The following FHIP1B variants were observed in gnomAD, a reference collection of about 807,000 sequenced individuals.
FHIP1B encodes FHF complex subunit HOOK-interacting protein 1B.
A neutral mutation model predicts 82.2 loss-of-function variants in FHIP1B; 28 were observed. The ratio of observed to expected loss-of-function variants is 0.34; its 90% CI spans 0.25 to 0.47. FHIP1B has a LOEUF of 0.47. FHIP1B is among the 20% of genes least tolerant of loss of function. FHIP1B has a pLI of 1.00. For synonymous variants in FHIP1B, 585 were observed against 516.1 expected (o/e 1.13, Z -1.81); for missense variants, 1,110 against 1,262.6 (o/e 0.88, Z 1.83).
intron 6 of FHIP1B, 23 bp downstream of exon 6, chr11:6,222,419 T>G (rs770614230): frequency 6.2e-7 from 1 of 1,612,564 alleles, no homozygotes; most frequent in Non-Finnish European, 8.5e-7. Flanking sequence ...CCAGGTAAGC[T>G]AGGACAGGGG....
rs536516971 is a variant in FHIP1B, at chr11:6,220,878, T to A, written c.1191+1564A>T. On this transcript the variant is annotated intron_variant, in intron 6 of 11. Transcript: ENST00000449352. The stretch of plus-strand genomic sequence containing the variant: ...GGACAATATGAGGCCAATCATGGCC[T>A]AATTTCAGCATAATGAGGGAAAAAA... 2.0e-4 allele frequency among the ~76,000 whole-genome samples: 30 copies of A among 152,354 alleles called. No individual in the cohort carries two copies. The East Asian group carries it at 5.6e-3, about 28-fold the overall frequency.
chr11:6,233,485 T>C (rs1847755217), intron 1 of FHIP1B, among the ~76,000 whole-genome samples: 1 of 152,192 alleles, frequency 6.6e-6, no homozygotes, highest in African/African-American at 2.4e-5. Flanking sequence ...GAGGAAGAGA[T>C]AAATTTTCAG....
rs1008185717 is a variant in FHIP1B, at chr11:6,211,808, T to C, written c.2617A>G (p.Arg873Gly). 2 of 1,611,304 alleles carry C rather than the reference T, an allele frequency of 1.2e-6. No individual in the cohort carries two copies. The highest frequency in any genetic ancestry group is 8.5e-7 in the Non-Finnish European group (1 of 1,178,796). The stretch of plus-strand genomic sequence containing the variant: ...ACCAATTGTGCCGCCTGCCGGGCCC[T>C]GGTTGGACTGTGTGCATGCCGCAGG... ...LLLRHAHSPT[R>G]ARQAAQLVLQ... The change falls in exon 12 of 12, where the codon AGG (arginine) becomes GGG (glycine). Residue 873 changes from arginine to glycine, a missense_variant. Coordinates refer to ENST00000449352, the MANE Select transcript of FHIP1B (RefSeq NM_001098794.2).
At chr11:6,221,501 C>A (rs2047577942) in intron 6 of FHIP1B, among the ~76,000 whole-genome samples, 1 of 152,036 alleles carries the variant, frequency 6.6e-6, no homozygotes, top group African/African-American at 2.4e-5. Context: ...TGTTAATATC[C>A]AAACTTCTTG....
At chr11:6,222,751 G>A in intron 5 of FHIP1B, 60 bp downstream of exon 5, 1 of 1,575,164 alleles carries the variant, frequency 6.3e-7, no homozygotes, top group Non-Finnish European at 8.7e-7. Context: ...CGTTAGTCCT[G>A]TCACTGAGGT....
rs531604761 is a variant in FHIP1B, at chr11:6,231,990, T to C, written c.-192+2554A>G. 2.0e-5 allele frequency among the ~76,000 whole-genome samples: 3 copies of C among 152,374 alleles called. No homozygotes were observed. In the South Asian group the frequency reaches 6.2e-4, roughly 32 times the overall value. On this transcript the variant is annotated intron_variant, in intron 1 of 11. Coordinates refer to ENST00000449352, the MANE Select transcript of FHIP1B (RefSeq NM_001098794.2). ...ATATGTTGAAGAAGTATTTGTTGAA[T>C]GAATAAACGAATTCATTCTCCTAGC...
chr11:6,221,873 T>A (rs1226406517), intron 6 of FHIP1B, among the ~76,000 whole-genome samples: 1 of 152,218 alleles, frequency 6.6e-6, no homozygotes, highest in Non-Finnish European at 1.5e-5. Flanking sequence ...AGCAACAATG[T>A]CTACCTTATT....
At chr11:6,227,060 T>C (rs1341920473) in intron 1 of FHIP1B, among the ~76,000 whole-genome samples, 1 of 152,228 alleles carries the variant, frequency 6.6e-6, no homozygotes, top group African/African-American at 2.4e-5. Flanking sequence ...TGCCAATCAA[T>C]AGCAAGTTCC....
intron 10 of FHIP1B, 46 bp from the exon 11 acceptor site, chr11:6,214,619 TAC>T (rs749982884): frequency 1.6e-5 from 25 of 1,576,804 alleles, no homozygotes; most frequent in Non-Finnish European, 1.8e-5. Context: ...TCTAGACTGA[TAC>T]AGTCCTTTCT....
chr11:6,218,766 G>A lies in FHIP1B; in HGVS notation c.1272-3C>T, dbSNP rs772448189. 3 of 1,614,130 alleles carry A rather than the reference G, an allele frequency of 1.9e-6. No individual in the cohort carries two copies. Among genetic ancestry groups the A allele is most frequent in the Admixed American group, 1.7e-5 (1 of 60,032 alleles). ...CGTGGTTACATGGAACAAGATACCT[G>A]AGAAAGACATCAGAAAGGGGACACA... On this transcript the variant is annotated splice_polypyrimidine_tract_variant and splice_region_variant and intron_variant, in intron 7 of 11. Transcript: ENST00000449352.
Position 6,211,768 on chromosome 11 carries a change from C to T in FHIP1B, c.2657G>A (p.Arg886Gln), listed in dbSNP as rs145221654. The T allele has an allele frequency of 2.0e-5, 33 of 1,614,206 alleles. No individual in the cohort carries two copies. In the African/African-American group the frequency reaches 3.3e-4, roughly 16 times the overall value. Residue 886 changes from arginine (R) to glutamine (Q), a missense_variant, in exon 12 of 12, where the codon CGA (arginine) becomes CAA (glutamine). Physicochemically the swap from Arg to Gln is conservative, Grantham distance 43 (BLOSUM62 1). Transcript: ENST00000449352. ...ACTTAGGCCAAGTCCTGCTCCGTCT[C>T]GCCCAGGCTGAAGGACCAATTGTGC... ...QAAQLVLQPG[R>Q]DGAGLGLSGG...
chr11:6,213,011 T>C (rs556451970), intron 11 of FHIP1B, among the ~76,000 whole-genome samples: 1 of 152,328 alleles, frequency 6.6e-6, no homozygotes, highest in East Asian at 1.9e-4. Flanking sequence ...CTCAACATAC[T>C]TAATTTATTT....
chr11:6,231,234 C>CA (rs1306044638), intron 1 of FHIP1B, among the ~76,000 whole-genome samples: 4 of 152,050 alleles, frequency 2.6e-5, no homozygotes, highest in African/African-American at 9.7e-5. Flanking sequence ...TGATTGAATG[C>CA]AGGGAGTAAA....
In FHIP1B at chr11:6,211,750, C is replaced by T. The variant is rs1428486005; in HGVS notation, c.2675G>A (p.Gly892Asp). The change falls in exon 12 of 12, where the codon GGC (glycine) becomes GAC (aspartate). Residue 892 changes from glycine to aspartate, a missense_variant. By Grantham distance (94) the Gly-to-Asp change is moderately conservative. This residue lies in a region of FHIP1B where 147 missense variants were observed against 154.0 expected (regional missense o/e 0.95). Transcript: ENST00000449352. Reference protein sequence around the residue: ...LQPGRDGAGLGLSGGSPGAST... With the variant: ...LQPGRDGAGLDLSGGSPGAST... ...AGCCCCAGGGGAGCCCCCACTTAGG[C>T]CAAGTCCTGCTCCGTCTCGCCCAGG... The T allele has an allele frequency of 3.1e-6, 5 of 1,614,108 alleles. No homozygotes were observed. In the East Asian group the frequency reaches 1.1e-4, roughly 36 times the overall value.
rs1258993360 is a variant in FHIP1B at position 6,218,751 on chromosome 11, T to G, written c.1284A>C (p.Pro428=). The G allele has an allele frequency of 6.2e-7, 1 of 1,613,850 alleles. No individual in the cohort carries two copies. Among genetic ancestry groups the G allele is most frequent in the African/African-American group, 1.3e-5 (1 of 74,824 alleles). ...LLQLVLRYLV[P]CNHVMLSQKP... The stretch of plus-strand genomic sequence containing the variant: ...TCTGGCTCAGCATAACGTGGTTACA[T>G]GGAACAAGATACCTGAGAAAGACAT... The change falls in exon 8 of 12, where the codon CCA becomes CCC. Residue 428 remains proline, a synonymous_variant. Transcript: ENST00000449352.
At position 6,211,654 on chromosome 11, in the gene FHIP1B, G is replaced by A. The variant is rs1564855676; in HGVS notation, c.2771C>T (p.Ala924Val). 1 of 1,614,234 alleles carries A rather than the reference G, an allele frequency of 6.2e-7. No homozygotes were observed. The highest frequency in any genetic ancestry group is 1.6e-4 in the Middle Eastern group (1 of 6,062). ...RQGEALRVKN[A>V]VYCAVIFPEF... The stretch of plus-strand genomic sequence containing the variant: ...AGGGAAAATGACTGCACAGTAGACA[G>A]CATTCTTGACTCGAAGAGCCTCACC... The change falls in exon 12 of 12, where the codon GCT becomes GTT. Residue 924 changes from alanine (A) to valine (V), a missense_variant. By Grantham distance (64) the Ala-to-Val change is moderately conservative. Coordinates refer to ENST00000449352, the MANE Select transcript of FHIP1B (RefSeq NM_001098794.2).
rs745773818 is a variant in FHIP1B, at chr11:6,214,513, C to G, written c.2455G>C (p.Ala819Pro). The change falls in exon 11 of 12, where the codon GCA becomes CCA. Residue 819 changes from alanine (A) to proline (P), a missense_variant. Transcript: ENST00000449352. Reference protein sequence around the residue: ...NFAASQEDFPALLSKAKKYLI... With the variant: ...NFAASQEDFPPLLSKAKKYLI... The stretch of plus-strand genomic sequence containing the variant: ...TACTTCTTGGCTTTGGACAGCAGTG[C>G]TGGGAAGTCCTCCTGGGAAGCCGCA... 2 of 1,614,180 alleles carry G rather than the reference C, an allele frequency of 1.2e-6. No homozygotes were observed. The highest frequency in any genetic ancestry group is 1.7e-6 in the Non-Finnish European group (2 of 1,180,002).
chr11:6,211,951 G>A, intron 11 of FHIP1B, 84 bp from the exon 12 acceptor site: 6 of 1,477,686 alleles, frequency 4.1e-6, no homozygotes, highest in Non-Finnish European at 5.3e-6. Context: ...CCACCCCCTA[G>A]GTTCTTGGAC....
At chr11:6,230,301 G>T (rs569094110) in intron 1 of FHIP1B, among the ~76,000 whole-genome samples, 87 of 152,300 alleles carry the variant, frequency 5.7e-4, no homozygotes, top group African/African-American at 1.9e-3. Context: ...CCAAGAACAG[G>T]TCAGTAAAAT....
Sources: allele counts gnomAD v4.1 joint callset (sites outside exome capture counted in the v4.1 genomes callset), GRCh38; gene constraint gnomAD v4.1.1; regional missense constraint gnomAD v4.1.1; transcripts MANE v1.5; gene names NCBI Gene and HGNC (gene_info 2026-07-23, HGNC 2026-07-21).